Variants in TTC29 observed in about 807,000 individuals in gnomAD.
TTC29 encodes tetratricopeptide repeat domain 29.
In TTC29, 49 loss-of-function variants were observed where a neutral mutation model predicts 58.1. The ratio of observed to expected loss-of-function variants is 0.84; its 90% CI spans 0.67 to 1.07. The LOEUF is 1.07. TTC29 is among the 50% of genes least tolerant of loss of function. The pLI, the probability that TTC29 is intolerant of heterozygous loss-of-function variation, is 0.00. For missense variants in TTC29, 582 were observed against 555.6 expected (o/e 1.05, Z -0.48); for synonymous variants, 209 against 196.8 (o/e 1.06, Z -0.52).
At chr4:146,803,733 A>G in intron 10 of TTC29, 48 bp from the exon 11 acceptor site, 1 of 1,427,308 alleles carries the variant, frequency 7.0e-7, no homozygotes, top group Non-Finnish European at 9.4e-7. Flanking sequence ...TAATGTCACC[A>G]TTTCACATAT....
intron 9 of TTC29, among the ~76,000 whole-genome samples, chr4:146,821,178 G>A (rs889535367): frequency 1.3e-5 from 2 of 152,204 alleles, no homozygotes; most frequent in Non-Finnish European, 2.9e-5. Context: ...GAGATGGAAA[G>A]TAGGCTAGTG....
chr4:146,807,514 G>T (rs956144000), intron 10 of TTC29, among the ~76,000 whole-genome samples: 2 of 152,120 alleles, frequency 1.3e-5, no homozygotes, highest in African/African-American at 2.4e-5. Flanking sequence ...AAGAAGAAAA[G>T]AGAGAAGAAT....
chr4:146,851,432 G>A (rs1388799892), intron 8 of TTC29, among the ~76,000 whole-genome samples: 2 of 152,158 alleles, frequency 1.3e-5, no homozygotes, highest in African/African-American at 4.8e-5. Context: ...GATGGCAACA[G>A]AGAAAATTAA....
chr4:146,874,332 C>A (rs1190535929), intron 7 of TTC29, among the ~76,000 whole-genome samples: 3 of 152,088 alleles, frequency 2.0e-5, no homozygotes, highest in Non-Finnish European at 4.4e-5. Context: ...TCCTTATTAC[C>A]TGACCATGGG....
At chr4:146,768,167 A>T (rs1158488816) in intron 11 of TTC29, among the ~76,000 whole-genome samples, 1 of 152,060 alleles carries the variant, frequency 6.6e-6, no homozygotes, top group Non-Finnish European at 1.5e-5. Context: ...TTGAGTATTA[A>T]GTTTGAAGAT....
At chr4:146,815,128 T>C (rs1751313092) in intron 10 of TTC29, among the ~76,000 whole-genome samples, 1 of 152,154 alleles carries the variant, frequency 6.6e-6, no homozygotes, top group African/African-American at 2.4e-5. Context: ...ATAATTACTT[T>C]GGCCTCTTTC....
intron 8 of TTC29, among the ~76,000 whole-genome samples, chr4:146,851,639 T>C (rs763257436): frequency 9.9e-5 from 15 of 152,228 alleles, no homozygotes; most frequent in Non-Finnish European, 1.8e-4. Context: ...GTAGGTATAA[T>C]ATGCTGATTA....
At chr4:146,764,844 C>G (rs1013705615) in intron 11 of TTC29, among the ~76,000 whole-genome samples, 2 of 152,074 alleles carry the variant, frequency 1.3e-5, no homozygotes, top group Admixed American at 6.6e-5. Context: ...TGAGGTACCA[C>G]TAACGTTGGT....
intron 10 of TTC29, among the ~76,000 whole-genome samples, chr4:146,815,933 C>A (rs951543043): frequency 2.6e-5 from 4 of 152,158 alleles, no homozygotes; most frequent in Non-Finnish European, 5.9e-5. Flanking sequence ...TTCCTAATAA[C>A]AGAAAGCACA....
intron 11 of TTC29, among the ~76,000 whole-genome samples, chr4:146,748,886 C>G (rs1251080688): frequency 2.0e-5 from 3 of 152,040 alleles, no homozygotes; most frequent in Admixed American, 6.5e-5. Context: ...AGTAACTGAC[C>G]CCCCCGCAAA....
chr4:146,747,804 C>T (rs1178700772), intron 11 of TTC29, among the ~76,000 whole-genome samples: 1 of 152,216 alleles, frequency 6.6e-6, no homozygotes, highest in Non-Finnish European at 1.5e-5. Context: ...CCTCACATCC[C>T]AGGAAATAGA....
At chr4:146,940,093 A>G (rs1736232861) in intron 2 of TTC29, among the ~76,000 whole-genome samples, 192 bp from the exon 3 acceptor site, 1 of 152,110 alleles carries the variant, frequency 6.6e-6, no homozygotes, top group Non-Finnish European at 1.5e-5. Context: ...ATTTTCTTCC[A>G]TTGTCTGCTT....
chr4:146,892,168 G>A (rs1036601412), intron 6 of TTC29, among the ~76,000 whole-genome samples: 1 of 151,516 alleles, frequency 6.6e-6, no homozygotes, highest in African/African-American at 2.4e-5. Context: ...CATGAAATCT[G>A]GTTGTTTAAA....
chr4:146,767,831 G>A (rs1298310589), intron 11 of TTC29, among the ~76,000 whole-genome samples: 1 of 151,948 alleles, frequency 6.6e-6, no homozygotes, highest in African/African-American at 2.4e-5. Flanking sequence ...GTCTGCTATT[G>A]CAAAAATAAA....
At chr4:146,921,295 A>G (rs767154666) in intron 4 of TTC29, among the ~76,000 whole-genome samples, 1 of 151,418 alleles carries the variant, frequency 6.6e-6, no homozygotes, top group Non-Finnish European at 1.5e-5. Context: ...AACATTTAGA[A>G]AATTACTAGT....
At chr4:146,850,826 T>A (rs9992506) in intron 8 of TTC29, among the ~76,000 whole-genome samples, 65,357 of 152,078 alleles carry the variant, frequency 0.43, 15,156 homozygotes, top group African/African-American at 0.59. Flanking sequence ...TATTATAAAC[T>A]TATAAAATGG....
At chr4:146,819,408 C>A (rs957987193) in intron 10 of TTC29, among the ~76,000 whole-genome samples, 3 of 151,932 alleles carry the variant, frequency 2.0e-5, no homozygotes, top group Admixed American at 6.6e-5. Context: ...ACATAATTAC[C>A]CTAAAAATGA....
At chr4:146,877,554 C>A (rs1268047685) in intron 6 of TTC29, among the ~76,000 whole-genome samples, 1 of 152,086 alleles carries the variant, frequency 6.6e-6, no homozygotes, top group Non-Finnish European at 1.5e-5. Context: ...TACCCATGAC[C>A]CTCATTTTTT....
At position 146,903,601 on chromosome 4, in the gene TTC29, A is replaced by T; in HGVS notation, c.529T>A (p.Cys177Ser). The change falls in exon 6 of 13, where the codon TGT becomes AGT. Residue 177 changes from cysteine (C) to serine (S), a missense_variant. Coordinates refer to ENST00000325106, the MANE Select transcript of TTC29 (RefSeq NM_031956.4). ...TGTGCCTCGGCTTCTTTCTTCCCACAGTCAATTTTGATCAGCTGAGCAATC... is the reference window on the plus strand; with the variant it reads ...TGTGCCTCGGCTTCTTTCTTCCCACTGTCAATTTTGATCAGCTGAGCAATC... ...FKIAQLIKID[C>S]GKKEAEAHMH... is the part of the protein sequence containing the mutation. 1 of 1,612,762 alleles carries T rather than the reference A, an allele frequency of 6.2e-7. No homozygotes were observed.
Sources: gnomAD v4.1 joint callset for allele counts (sites outside exome capture counted in the v4.1 genomes callset) on GRCh38, gnomAD v4.1.1 for gene constraint, MANE v1.5 for transcripts, NCBI Gene and HGNC (gene_info 2026-07-23, HGNC 2026-07-21) for gene names.